The following BORCS7 variants were observed in gnomAD, a reference collection of about 807,000 sequenced individuals.
BORCS7 encodes BLOC-1-related complex subunit 7.
Under a neutral mutation model 17.5 loss-of-function variants are expected in BORCS7, and 20 were observed. The ratio of observed to expected loss-of-function variants is 1.14; its 90% CI spans 0.80 to 1.66. BORCS7 has a LOEUF of 1.66. BORCS7 is among the 40% of genes most tolerant of loss of function. The pLI, the probability that BORCS7 is intolerant of heterozygous loss-of-function variation, is 0.00. For synonymous variants in BORCS7, 57 were observed against 49.8 expected, an observed-to-expected ratio of 1.14 and a Z score of -0.61; for missense variants, 122 against 129.7, an observed-to-expected ratio of 0.94 and a Z score of 0.29.
intron 1 of BORCS7, among the ~76,000 whole-genome samples, chr10:102,860,087 T>C (rs1490958708): frequency 6.6e-6 from 1 of 152,244 alleles, no homozygotes; most frequent in East Asian, 1.9e-4. Flanking sequence ...TAGGAAGCAC[T>C]TGATTTCTCA....
chr10:102,861,686 T>C (rs865988562), intron 3 of BORCS7, among the ~76,000 whole-genome samples: 1 of 151,036 alleles, frequency 6.6e-6, no homozygotes, highest in Non-Finnish European at 1.5e-5. Context: ...ACCACTCCAC[T>C]GCATCCTGGC....
intron 1 of BORCS7, among the ~76,000 whole-genome samples, chr10:102,855,422 C>T (rs977957283): frequency 3.9e-5 from 6 of 152,246 alleles, no homozygotes; most frequent in African/African-American, 1.4e-4. Flanking sequence ...TTCCAAAGTG[C>T]TGGGATTACA....
In BORCS7 at chr10:102,864,332, A is replaced by G. The variant is rs1463823200; in HGVS notation, c.*1408A>G. 6.6e-6 allele frequency: 1 copy of G among 152,220 alleles called. No homozygotes were observed. Among genetic ancestry groups the G allele is most frequent in the Middle Eastern group, 3.2e-3 (1 of 316 alleles). 9.4% of individuals were successfully genotyped at this position (152,220 alleles called of 1,614,324 possible). Reference sequence around the variant, plus strand: ...AAAAAGCTGGATGTGAAGGATCTGAAAAGGCATTAATTTATGTACTAATTC... The same window carrying G: ...AAAAAGCTGGATGTGAAGGATCTGAGAAGGCATTAATTTATGTACTAATTC... On this transcript the variant is annotated 3_prime_UTR_variant, in exon 5 of 5. Transcript: ENST00000339834.
chr10:102,854,300 G>A lies in BORCS7; in HGVS notation c.14G>A (p.Gly5Glu), dbSNP rs767065954. 3 of 1,605,642 alleles carry A rather than the reference G, an allele frequency of 1.9e-6. No individual in the cohort carries two copies. Among genetic ancestry groups the A allele is most frequent in the African/African-American group, 1.3e-5 (1 of 74,976 alleles). MMAT[G>E]TPESQARFGQ... ...TCGCTAACTGAAATGATGGCGACTG[G>A]AACGCCAGAGTCTCAAGCGCGGTTC... The change falls in exon 1 of 5, where the codon GGA (glycine) becomes GAA (glutamate). Residue 5 changes from glycine (G) to glutamate (E), a missense_variant. Transcript: ENST00000339834.
rs139462707 is a variant in BORCS7 at position 102,861,534 on chromosome 10, C to T, written c.249-626C>T. ...GAGTTCTAGATTAGCCTGGCCAACA[C>T]GGCAAAACCCCGTCTCTACTAAAAA... is the stretch of plus-strand genomic sequence containing the variant. On this transcript the variant is annotated intron_variant, in intron 3 of 4. Transcript: ENST00000339834. 2.0e-3 allele frequency among the ~76,000 whole-genome samples: 294 copies of T among 150,408 alleles called. 5 individuals are homozygous for T. In the East Asian group the frequency reaches 0.046, roughly 24 times the overall value.
intron 3 of BORCS7, among the ~76,000 whole-genome samples, chr10:102,861,792 G>A (rs1186786853): frequency 6.6e-6 from 1 of 152,030 alleles, no homozygotes; most frequent in African/African-American, 2.4e-5. Context: ...TTCACTCTTC[G>A]ATATTTAAAT....
At position 102,862,002 on chromosome 10, in the gene BORCS7, A is replaced by G. The variant is rs539410338; in HGVS notation, c.249-158A>G. Among the ~76,000 whole-genome samples the G allele has an allele frequency of 2.0e-5, 3 of 152,350 alleles. No homozygotes were observed. In the East Asian group the frequency reaches 5.8e-4, roughly 29 times the overall value. ...CTTTTCAGCAGCTCTGCACTCAGAC[A>G]GGAATCCCTGTTCAATAGCACAATC... On this transcript the variant is annotated intron_variant, in intron 3 of 4. Coordinates refer to ENST00000339834, the MANE Select transcript of BORCS7 (RefSeq NM_001136200.2).
rs1844544324 is a variant in BORCS7 at position 102,863,025 on chromosome 10, A to G, written c.*101A>G. On this transcript the variant is annotated 3_prime_UTR_variant, in exon 5 of 5. Transcript: ENST00000339834. ...GTTTGGTTTTCTATTTTCTTCTCCA[A>G]AAGTTAAGTTAGAAAAGTTCTGTGT... 1.7e-6 allele frequency: 2 copies of G among 1,159,196 alleles called. No homozygotes were observed. Among genetic ancestry groups the G allele is most frequent in the Admixed American group, 1.8e-5 (1 of 55,930 alleles). The allele number at this position is 1,159,196 out of a possible 1,614,324, so 71.8% of individuals were successfully genotyped here.
In BORCS7 at chr10:102,863,932, G is replaced by A. The variant is rs1032914060; in HGVS notation, c.*1008G>A. ...TCATCAGCAAATTCACTTGCATGACGTTACTGCCAAATATGAAGGCAGTTG... is the reference window on the plus strand; with the variant it reads ...TCATCAGCAAATTCACTTGCATGACATTACTGCCAAATATGAAGGCAGTTG... On this transcript the variant is annotated 3_prime_UTR_variant, in exon 5 of 5. Transcript: ENST00000339834. 6 of 152,176 alleles carry A rather than the reference G, an allele frequency of 3.9e-5. No individual in the cohort carries two copies. Among genetic ancestry groups the A allele is most frequent in the Non-Finnish European group, 5.9e-5 (4 of 68,044 alleles). The allele number at this position is 152,176 out of a possible 1,614,324, so 9.4% of individuals were successfully genotyped here.
intron 4 of BORCS7, 86 bp from the exon 5 acceptor site, chr10:102,862,787 G>GA (rs201278837): frequency 4.2e-3 from 4,970 of 1,194,818 alleles, no homozygotes; most frequent in Non-Finnish European, 4.8e-3. Flanking sequence ...GTCTGTAATG[G>GA]AAAAAAAAAA....
chr10:102,862,618 T>G (rs1048527990), intron 4 of BORCS7, among the ~76,000 whole-genome samples: 3 of 152,218 alleles, frequency 2.0e-5, no homozygotes, highest in African/African-American at 7.2e-5. Flanking sequence ...AATTTTGATT[T>G]ACATGCAACA....
At chr10:102,858,180 T>TAA (rs1844458991) in intron 1 of BORCS7, among the ~76,000 whole-genome samples, 5 of 113,996 alleles carry the variant, frequency 4.4e-5, no homozygotes, top group African/African-American at 1.2e-4. Flanking sequence ...AAAAAAAATA[T>TAA]ATATATATAT....
At chr10:102,854,532 A>G in intron 1 of BORCS7, 105 bp downstream of exon 1, 1 of 1,356,538 alleles carries the variant, frequency 7.4e-7, no homozygotes, top group Non-Finnish European at 9.9e-7. Context: ...TAGGCTGTGA[A>G]GTACTTGCTA....
At chr10:102,858,657 T>C (rs535235973) in intron 1 of BORCS7, among the ~76,000 whole-genome samples, 1 of 151,568 alleles carries the variant, frequency 6.6e-6, no homozygotes, top group African/African-American at 2.4e-5. Flanking sequence ...TTCAAAAAAA[T>C]GAAAATTAAA....
intron 3 of BORCS7, among the ~76,000 whole-genome samples, chr10:102,861,281 TG>T (rs1387186146): frequency 6.6e-6 from 1 of 150,712 alleles, no homozygotes; most frequent in African/African-American, 2.5e-5. Flanking sequence ...CCGGGTGTGG[TG>T]GTGGGTGCCT....
chr10:102,862,981 T>C lies in BORCS7; in HGVS notation c.*57T>C. 2 of 1,387,386 alleles carry C rather than the reference T, an allele frequency of 1.4e-6. No homozygotes were observed. The highest frequency in any genetic ancestry group is 2.1e-6 in the Non-Finnish European group (2 of 974,792). The allele number at this position is 1,387,386 out of a possible 1,614,324, so 85.9% of individuals were successfully genotyped here. A position where few individuals can be genotyped will look rare whatever the true frequency, so the allele number is the denominator to read the frequency against. The stretch of plus-strand genomic sequence containing the variant: ...TGCCTAATGCTGAGGAGTAAATACC[T>C]TACACAGCTGTCCTCTGGGTTTGGT... On this transcript the variant is annotated 3_prime_UTR_variant, in exon 5 of 5. Transcript: ENST00000339834.
At chr10:102,854,983 A>ATCT (rs1844403964) in intron 1 of BORCS7, among the ~76,000 whole-genome samples, 1 of 147,320 alleles carries the variant, frequency 6.8e-6, no homozygotes, top group Non-Finnish European at 1.5e-5. Flanking sequence ...TATGTAATAT[A>ATCT]TATTATATAT....
chr10:102,858,398 C>G (rs1335113358), intron 1 of BORCS7, among the ~76,000 whole-genome samples: 1 of 151,902 alleles, frequency 6.6e-6, no homozygotes, highest in African/African-American at 2.4e-5. Context: ...GCCTGTAATC[C>G]CAGTACTTTG....
At chr10:102,855,159 C>CT (rs945217993) in intron 1 of BORCS7, among the ~76,000 whole-genome samples, 2,262 of 130,726 alleles carry the variant, frequency 0.017, 64 homozygotes, top group African/African-American at 0.048. Flanking sequence ...AGTACTTTTC[C>CT]TTTTTTTTTT....
Sources: allele counts gnomAD v4.1 joint callset (sites outside exome capture counted in the v4.1 genomes callset), GRCh38; gene constraint gnomAD v4.1.1; transcripts MANE v1.5; gene names NCBI Gene and HGNC (gene_info 2026-07-23, HGNC 2026-07-21).